Variants in RHPN2 observed in about 807,000 individuals in gnomAD.
The protein encoded by RHPN2 is rhophilin-2.
RHPN2 carries 40 observed loss-of-function variants against 79.0 expected under a neutral mutation model. That is an observed-to-expected ratio of 0.51 (90% CI 0.39 to 0.66). The LOEUF is 0.66. Among genes scored for constraint, RHPN2 ranks in the 30% least tolerant of loss-of-function variants. The pLI, the probability that RHPN2 is intolerant of heterozygous loss-of-function variation, is 0.00. For missense variants in RHPN2, 686 were observed against 883.5 expected (o/e 0.78, Z 2.83); for synonymous variants, 285 against 363.5 (o/e 0.78, Z 2.46).
intron 1 of RHPN2, among the ~76,000 whole-genome samples, chr19:33,056,274 A>G (rs1018671645): frequency 4.0e-5 from 6 of 151,292 alleles, no homozygotes; most frequent in Non-Finnish European, 7.4e-5. Flanking sequence ...CACCACACCC[A>G]GCTAATTTTG....
intron 1 of RHPN2, among the ~76,000 whole-genome samples, chr19:33,047,829 T>C (rs1972154049): frequency 6.6e-6 from 1 of 152,120 alleles, no homozygotes; most frequent in African/African-American, 2.4e-5. Flanking sequence ...AGAGGATCGC[T>C]TGAGGCCAGG....
At chr19:33,042,058 A>T (rs1256600181) in intron 2 of RHPN2, among the ~76,000 whole-genome samples, 1 of 152,064 alleles carries the variant, frequency 6.6e-6, no homozygotes, top group Non-Finnish European at 1.5e-5. Flanking sequence ...GTGTGCTGGC[A>T]CGTGCCTGTA....
intron 2 of RHPN2, among the ~76,000 whole-genome samples, chr19:33,036,078 C>G (rs1473440855): frequency 6.7e-6 from 1 of 148,560 alleles, no homozygotes; most frequent in Non-Finnish European, 1.5e-5. Context: ...GATCAGGCCA[C>G]TGCACTCCAG....
At chr19:33,048,802 CT>C (rs1322057514) in intron 1 of RHPN2, among the ~76,000 whole-genome samples, 1 of 149,988 alleles carries the variant, frequency 6.7e-6, no homozygotes, top group African/African-American at 2.5e-5. Flanking sequence ...CTGTTCATCT[CT>C]TTCCTTTCCA....
At chr19:33,033,821 C>T (rs573656958) in intron 2 of RHPN2, among the ~76,000 whole-genome samples, 1 of 151,906 alleles carries the variant, frequency 6.6e-6, no homozygotes, top group Non-Finnish European at 1.5e-5. Flanking sequence ...GAGCCGAGAT[C>T]GCGCCATTGC....
At chr19:32,989,228 G>A (rs1489954428) in intron 14 of RHPN2, among the ~76,000 whole-genome samples, 1 of 152,132 alleles carries the variant, frequency 6.6e-6, no homozygotes, top group Non-Finnish European at 1.5e-5. Context: ...TCCTGCCTCA[G>A]CCTCCTGAGT....
At chr19:33,059,670 CCT>C (rs1972263767) in intron 1 of RHPN2, among the ~76,000 whole-genome samples, 1 of 152,070 alleles carries the variant, frequency 6.6e-6, no homozygotes, top group South Asian at 2.1e-4. Context: ...TCTCAGCTCC[CCT>C]CTTTCTCCAG....
At chr19:33,037,188 G>C (rs1308387576) in intron 2 of RHPN2, among the ~76,000 whole-genome samples, 1 of 152,188 alleles carries the variant, frequency 6.6e-6, no homozygotes, top group Non-Finnish European at 1.5e-5. Flanking sequence ...GTCTAGCTCA[G>C]GGTTTGTGAA....
Position 32,990,502 on chromosome 19 carries a change from G to A in RHPN2, c.1800+12C>T, listed in dbSNP as rs559071693. Reference sequence around the variant, plus strand: ...GCCACCACTGACTGCCCAGGGAGGTGTCAGCGCTCACCATGGATGATGTGG... The same window carrying A: ...GCCACCACTGACTGCCCAGGGAGGTATCAGCGCTCACCATGGATGATGTGG... On this transcript the variant is annotated intron_variant, in intron 14 of 14. Transcript: ENST00000254260. The A allele has an allele frequency of 1.2e-5, 20 of 1,613,690 alleles. No individual in the cohort carries two copies. The African/African-American group carries it at 1.6e-4, about 13-fold the overall frequency.
At chr19:32,991,593 C>T (rs1971660093) in intron 13 of RHPN2, among the ~76,000 whole-genome samples, 1 of 152,164 alleles carries the variant, frequency 6.6e-6, no homozygotes, top group Non-Finnish European at 1.5e-5. Context: ...GAGATCGCGC[C>T]ACTGCACGAT....
At chr19:33,000,530 C>G (rs1971740823) in intron 9 of RHPN2, among the ~76,000 whole-genome samples, 1 of 152,026 alleles carries the variant, frequency 6.6e-6, no homozygotes, top group South Asian at 2.1e-4. Flanking sequence ...TAATTTGACC[C>G]TGAGCCCCCA....
At chr19:33,040,369 T>C (rs2145260245) in intron 2 of RHPN2, among the ~76,000 whole-genome samples, 1 of 151,472 alleles carries the variant, frequency 6.6e-6, no homozygotes, top group East Asian at 2.0e-4. Flanking sequence ...CCCGAGTAGC[T>C]GGGATTACGG....
At chr19:33,007,749 GTT>G (rs71340516) in intron 7 of RHPN2, among the ~76,000 whole-genome samples, 42 of 137,950 alleles carry the variant, frequency 3.0e-4, no homozygotes, top group African/African-American at 4.5e-4. Context: ...CACCGAGCAA[GTT>G]TTTTTTTTTT....
chr19:32,996,784 C>T (rs1338927646), intron 10 of RHPN2, among the ~76,000 whole-genome samples: 4 of 152,006 alleles, frequency 2.6e-5, no homozygotes, highest in African/African-American at 9.7e-5. Flanking sequence ...GAGCGTTAGC[C>T]GTCTCTCAGT....
intron 3 of RHPN2, among the ~76,000 whole-genome samples, chr19:33,022,337 C>G (rs1199105014): frequency 6.6e-6 from 1 of 152,170 alleles, no homozygotes; most frequent in Non-Finnish European, 1.5e-5. Context: ...CACCTGGGTG[C>G]ACCACCCTGC....
intron 13 of RHPN2, chr19:32,990,890 G>A (rs933603566): frequency 4.9e-5 from 25 of 515,010 alleles, no homozygotes; most frequent in Middle Eastern, 5.5e-4. Context: ...TCAGCCAGGT[G>A]TGGTGGTGGG....
At chr19:32,998,861 AG>A (rs1255526910) in intron 10 of RHPN2, among the ~76,000 whole-genome samples, 2 of 114,664 alleles carry the variant, frequency 1.7e-5, no homozygotes, top group East Asian at 5.6e-4. Flanking sequence ...AGGGAGAGGG[AG>A]GACCAGAGGA....
chr19:33,022,116 TATTTTTTTAGTAGCAA>T (rs978068853), intron 3 of RHPN2, among the ~76,000 whole-genome samples: 5 of 149,322 alleles, frequency 3.3e-5, no homozygotes, highest in Admixed American at 2.7e-4. Flanking sequence ...AATTTTTGTA[TATTTTTTTAGTAGCAA>T]TGGGGTTTCG....
At chr19:32,990,754 G>T in intron 13 of RHPN2, 85 bp from the exon 14 acceptor site, 6 of 1,546,906 alleles carry the variant, frequency 3.9e-6, no homozygotes, top group Non-Finnish European at 4.4e-6. Context: ...AGGTATTTGC[G>T]TAAGTTCGCA....
Sources: gnomAD v4.1 joint callset for allele counts (sites outside exome capture counted in the v4.1 genomes callset) on GRCh38, gnomAD v4.1.1 for gene constraint, MANE v1.5 for transcripts, NCBI Gene and HGNC (gene_info 2026-07-23, HGNC 2026-07-21) for gene names.